The following ALPK2 variants were observed in gnomAD, a reference collection of about 807,000 sequenced individuals.
The protein encoded by ALPK2 is alpha-protein kinase 2.
Under a neutral mutation model 163.1 loss-of-function variants are expected in ALPK2, and 127 were observed. The observed-to-expected ratio is 0.78, with a 90% CI of 0.67 to 0.90. ALPK2 has a LOEUF of 0.90. Among genes scored for constraint, ALPK2 ranks in the 40% least tolerant of loss-of-function variants. The pLI is 0.00. For synonymous variants in ALPK2, 953 were observed against 959.1 expected, an observed-to-expected ratio of 0.99 and a Z score of 0.12; for missense variants, 2,360 against 2,589.6, an observed-to-expected ratio of 0.91 and a Z score of 1.92.
Position 58,536,173 on chromosome 18 carries a change from G to T in ALPK2, c.4014C>A (p.Leu1338=). 6.2e-7 allele frequency: 1 copy of T among 1,614,158 alleles called. No individual in the cohort carries two copies. The highest frequency in any genetic ancestry group is 1.1e-5 in the South Asian group (1 of 91,080). The change falls in exon 5 of 13, where the codon CTC becomes CTA. Residue 1338 remains leucine (L), a synonymous_variant. Transcript: ENST00000361673. ...LSSRGFSQPR[L]LESSVDPVDE... ...CTACAGGGTCCACGGATGACTCCAGGAGTCTGGGTTGGCTGAAACCCCGGG... is the reference window on the plus strand; with the variant it reads ...CTACAGGGTCCACGGATGACTCCAGTAGTCTGGGTTGGCTGAAACCCCGGG...
intron 8 of ALPK2, among the ~76,000 whole-genome samples, chr18:58,522,404 G>A (rs999386280): frequency 5.9e-5 from 9 of 152,296 alleles, no homozygotes; most frequent in African/African-American, 1.4e-4. Context: ...ATGGGTGGGC[G>A]TAGGTGGGTG....
At position 58,580,307 on chromosome 18, in the gene ALPK2, T is replaced by TC; in HGVS notation, c.468_469insG (p.Thr157AspfsTer6). 1.2e-6 allele frequency: 2 copies of TC among 1,613,766 alleles called. No homozygotes were observed. Among genetic ancestry groups the TC allele is most frequent in the Non-Finnish European group, 1.7e-6 (2 of 1,179,940 alleles). On this transcript the variant is annotated frameshift_variant, in exon 4 of 13. Coordinates refer to ENST00000361673, the MANE Select transcript of ALPK2 (RefSeq NM_052947.4). LOFTEE classifies it high-confidence loss of function. ...GGGGAGGAGTCAGCTGACCTGGGAG[T>TC]GCCCGGGGAGATGCTTTCTTCTTCC... is the stretch of plus-strand genomic sequence containing the variant.
At chr18:58,550,345 A>G (rs1448443981) in intron 4 of ALPK2, among the ~76,000 whole-genome samples, 1 of 150,812 alleles carries the variant, frequency 6.6e-6, no homozygotes, top group African/African-American at 2.4e-5. Context: ...TTCATCATGA[A>G]CAACCCCATC....
intron 8 of ALPK2, among the ~76,000 whole-genome samples, chr18:58,521,077 G>T (rs183931778): frequency 4.6e-5 from 7 of 152,322 alleles, no homozygotes; most frequent in Non-Finnish European, 1.0e-4. Context: ...ATAGGGAGGG[G>T]CCAGGAGTTA....
At chr18:58,587,333 A>G (rs1193213755) in intron 3 of ALPK2, among the ~76,000 whole-genome samples, 1 of 152,238 alleles carries the variant, frequency 6.6e-6, no homozygotes, top group African/African-American at 2.4e-5. Context: ...GCCACGTTAC[A>G]TTGTTTAAAA....
At position 58,536,968 on chromosome 18, in the gene ALPK2, A is replaced by G. The variant is rs200702431; in HGVS notation, c.3219T>C (p.Leu1073=). Residue 1073 remains leucine (L), a synonymous_variant, in exon 5 of 13, where the codon CTT becomes CTC. Coordinates refer to ENST00000361673, the MANE Select transcript of ALPK2 (RefSeq NM_052947.4). ...GATIKSTKEL[L]CRAPSVPGVP... ...CTCCTGGCACACTGGGTGCCCTGCA[A>G]AGTAGCTCTTTTGTAGATTTGATGG... 3.1e-6 allele frequency: 5 copies of G among 1,614,046 alleles called. No individual in the cohort carries two copies. Among genetic ancestry groups the G allele is most frequent in the Non-Finnish European group, 4.2e-6 (5 of 1,180,016 alleles).
intron 4 of ALPK2, among the ~76,000 whole-genome samples, chr18:58,566,220 T>C (rs1490569172): frequency 6.6e-6 from 1 of 152,216 alleles, no homozygotes; most frequent in African/African-American, 2.4e-5. Context: ...CATTGTAAGG[T>C]ACTGATATCT....
At chr18:58,525,898 A>T (rs1226871582) in intron 6 of ALPK2, among the ~76,000 whole-genome samples, 4 of 150,668 alleles carry the variant, frequency 2.7e-5, no homozygotes, top group Non-Finnish European at 5.9e-5. Flanking sequence ...GGAAGTCCCA[A>T]AGAGTTCTAT....
At chr18:58,596,615 C>A (rs1236204293) in intron 3 of ALPK2, among the ~76,000 whole-genome samples, 1 of 152,212 alleles carries the variant, frequency 6.6e-6, no homozygotes, top group African/African-American at 2.4e-5. Context: ...TGTGGGAGGC[C>A]TGTTAGATTA....
At chr18:58,543,402 C>T (rs2051701530) in intron 4 of ALPK2, 2 of 985,402 alleles carry the variant, frequency 2.0e-6, no homozygotes, top group Admixed American at 6.1e-5. Context: ...CACACAGGAG[C>T]TTGTGGAGGC....
chr18:58,485,846 G>A (rs1021563641), intron 12 of ALPK2, among the ~76,000 whole-genome samples: 9 of 152,202 alleles, frequency 5.9e-5, no homozygotes, highest in Non-Finnish European at 7.3e-5. Context: ...GGAGTGTCAC[G>A]AGTGGGCAGG....
In ALPK2 at chr18:58,534,855, A is replaced by T; in HGVS notation, c.5332T>A (p.Ser1778Thr). Residue 1778 changes from serine (S) to threonine (T), a missense_variant, in exon 5 of 13, where the codon TCT becomes ACT. Transcript: ENST00000361673. ...TEEKQDPKKP[S>T]CKREGRAPVL... ...TCACCTCTTCCTTCTCTTTTGCAAG[A>T]TGGCTTTTTTGGGTCTTGTTTCTCT... 4.3e-6 allele frequency: 7 copies of T among 1,609,400 alleles called. No homozygotes were observed. Among genetic ancestry groups the T allele is most frequent in the Non-Finnish European group, 5.9e-6 (7 of 1,178,356 alleles).
intron 8 of ALPK2, among the ~76,000 whole-genome samples, chr18:58,522,251 A>G (rs1320639849): frequency 1.3e-5 from 2 of 152,174 alleles, no homozygotes; most frequent in African/African-American, 4.8e-5. Flanking sequence ...TCCCAGTCCC[A>G]TGATGTGTGA....
chr18:58,538,303 G>A (rs1039493340), intron 4 of ALPK2, 79 bp from the exon 5 acceptor site: 18 of 1,271,114 alleles, frequency 1.4e-5, no homozygotes, highest in Non-Finnish European at 1.9e-5. Context: ...TCCCAAGAGT[G>A]TTAATCCTCA....
chr18:58,502,362 TA>T (rs963739037), intron 11 of ALPK2, among the ~76,000 whole-genome samples: 46 of 150,682 alleles, frequency 3.1e-4, no homozygotes, highest in African/African-American at 9.5e-4. Flanking sequence ...CTCAAACAAA[TA>T]AAAAAAAATG....
At chr18:58,573,505 A>G (rs2051901257) in intron 4 of ALPK2, among the ~76,000 whole-genome samples, 1 of 149,494 alleles carries the variant, frequency 6.7e-6, no homozygotes, top group Admixed American at 6.7e-5. Flanking sequence ...TGGATTCCCA[A>G]AGTACTGGGA....
At position 58,579,114 on chromosome 18, in the gene ALPK2, T is replaced by C. The variant is rs2051939844; in HGVS notation, c.1662A>G (p.Arg554=). ...GNPKKPNANL[R]ESTTEGTLHL... ...GAAGGGTACCTTCTGTTGTACTTTC[T>C]CTCAGGTTGGCATTCGGCTTCTTGG... is the stretch of plus-strand genomic sequence containing the variant. The change falls in exon 4 of 13, where the codon AGA becomes AGG. Residue 554 remains arginine (R), a synonymous_variant. Coordinates refer to ENST00000361673, the MANE Select transcript of ALPK2 (RefSeq NM_052947.4). 6.2e-7 allele frequency: 1 copy of C among 1,614,088 alleles called. No individual in the cohort carries two copies. The highest frequency in any genetic ancestry group is 1.7e-5 in the Admixed American group (1 of 60,004).
At chr18:58,487,117 C>T (rs527911261) in intron 12 of ALPK2, among the ~76,000 whole-genome samples, 8 of 152,272 alleles carry the variant, frequency 5.3e-5, no homozygotes, top group African/African-American at 9.6e-5. Flanking sequence ...CCCAAAGTCA[C>T]GTCCTTCCCA....
chr18:58,497,072 C>G (rs2051404681), intron 12 of ALPK2, among the ~76,000 whole-genome samples: 1 of 152,216 alleles, frequency 6.6e-6, no homozygotes, highest in Non-Finnish European at 1.5e-5. Context: ...CTGCATTTTC[C>G]CCTCACTTCC....
Sources: allele counts gnomAD v4.1 joint callset (sites outside exome capture counted in the v4.1 genomes callset), GRCh38; gene constraint gnomAD v4.1.1; transcripts MANE v1.5; gene names NCBI Gene and HGNC (gene_info 2026-07-23, HGNC 2026-07-21).